Variants in NCF4 observed in about 807,000 individuals in gnomAD.
NCF4 encodes the protein neutrophil cytosol factor 4.
In NCF4, 30 loss-of-function variants were observed where a neutral mutation model predicts 41.7. That is an observed-to-expected ratio of 0.72 (90% CI 0.54 to 0.97). NCF4 has a LOEUF of 0.97. Among genes scored for constraint, NCF4 ranks in the 50% least tolerant of loss-of-function variants. NCF4 has a pLI of 0.00. For missense variants in NCF4, 432 were observed against 460.9 expected, an observed-to-expected ratio of 0.94 and a Z score of 0.57; for synonymous variants, 195 against 175.8, an observed-to-expected ratio of 1.11 and a Z score of -0.87.
chr22:36,861,085 A>G lies in NCF4; in HGVS notation c.-87A>G. The G allele has an allele frequency of 6.6e-7, 1 of 1,515,402 alleles. No individual in the cohort carries two copies. The highest frequency in any genetic ancestry group is 9.0e-7 in the Non-Finnish European group (1 of 1,114,614). The allele number at this position is 1,515,402 out of a possible 1,614,324, so 93.9% of individuals were successfully genotyped here. A position where few individuals can be genotyped will look rare whatever the true frequency, so the allele number is the denominator to read the frequency against. On this transcript the variant is annotated 5_prime_UTR_variant, in exon 1 of 10. Transcript: ENST00000248899. ...AGGACCACAGGCTGAGACGAGACGC[A>G]GGGTGGCTGGAGGAAGTGAGAGGTG...
intron 1 of NCF4, among the ~76,000 whole-genome samples, chr22:36,862,874 A>G (rs952816563): frequency 1.3e-5 from 2 of 152,158 alleles, no homozygotes; most frequent in Non-Finnish European, 2.9e-5. Flanking sequence ...GCCAGGTGCC[A>G]GAAAACCTGC....
chr22:36,875,684 C>G lies in NCF4; in HGVS notation c.659C>G (p.Pro220Arg). The G allele has an allele frequency of 6.2e-7, 1 of 1,612,968 alleles. No homozygotes were observed. The highest frequency in any genetic ancestry group is 8.5e-7 in the Non-Finnish European group (1 of 1,180,034). ...GTVRGATGIFPLSFVKILKDF... is the reference protein window; with the variant it reads ...GTVRGATGIFRLSFVKILKDF... ...GTCCGGGGAGCCACGGGCATCTTCC[C>G]TCTCTCCTTCGTGAAGATCCTCAAA... The change falls in exon 8 of 10, where the codon CCT (proline) becomes CGT (arginine). Residue 220 changes from proline to arginine, a missense_variant. Coordinates refer to ENST00000248899, the MANE Select transcript of NCF4 (RefSeq NM_000631.5).
At chr22:36,872,828 A>C (rs1438444957) in intron 7 of NCF4, among the ~76,000 whole-genome samples, 1 of 91,428 alleles carries the variant, frequency 1.1e-5, no homozygotes. Context: ...GAAGGTGAGG[A>C]TGGAGGTAAG....
intron 1 of NCF4, among the ~76,000 whole-genome samples, chr22:36,863,491 C>T (rs73158114): frequency 9.4e-4 from 111 of 118,558 alleles, no homozygotes; most frequent in Non-Finnish European, 1.5e-3. Flanking sequence ...GGTCCCTCTG[C>T]GAGGCATCAA....
intron 6 of NCF4, chr22:36,872,099 G>T (rs558026281): frequency 8.5e-6 from 6 of 708,834 alleles, no homozygotes; most frequent in African/African-American, 5.2e-5. Context: ...TTCCCTGTGT[G>T]CTCACCCCCA....
intron 1 of NCF4, among the ~76,000 whole-genome samples, chr22:36,863,401 G>A (rs1302802142): frequency 6.6e-6 from 1 of 151,588 alleles, no homozygotes. Context: ...CCCCAGTGCT[G>A]CGCCTATGCC....
At chr22:36,876,186 T>C in intron 9 of NCF4, 92 bp downstream of exon 9, 1 of 1,266,894 alleles carries the variant, frequency 7.9e-7, no homozygotes, top group Admixed American at 2.7e-5. Flanking sequence ...GGTGCTGGGG[T>C]TTTGCGTGTA....
At chr22:36,872,916 A>T (rs1940105801) in intron 7 of NCF4, among the ~76,000 whole-genome samples, 12 of 146,610 alleles carry the variant, frequency 8.2e-5, no homozygotes, top group Admixed American at 8.1e-4. Context: ...GTGAGGGTGG[A>T]GGTGAGACTG....
rs367751200 is a variant in NCF4 at position 36,863,189 on chromosome 22, T to C, written c.33-856T>C. Among the ~76,000 whole-genome samples the C allele has an allele frequency of 8.1e-4, 123 of 152,262 alleles. 3 individuals carry two copies. The South Asian group carries it at 0.023, about 28-fold the overall frequency. Reference sequence around the variant, plus strand: ...GTATTGAGCAGTACTGAGCACCTACTGTATGCCGGGCTCTGTTCTGGGCAC... The same window carrying C: ...GTATTGAGCAGTACTGAGCACCTACCGTATGCCGGGCTCTGTTCTGGGCAC... On this transcript the variant is annotated intron_variant, in intron 1 of 9. Transcript: ENST00000248899.
In NCF4 at chr22:36,864,943, A is replaced by AAAGGAGGATC. The variant is rs869025585; in HGVS notation, c.143_152dup (p.Lys52ArgfsTer79). 1.1e-5 allele frequency: 17 copies of AAAGGAGGATC among 1,613,904 alleles called. No individual in the cohort carries two copies. The highest frequency in any genetic ancestry group is 1.4e-5 in the Non-Finnish European group (17 of 1,180,016). ...GGTTTTCGTCATCGAGGTGAAGACA[A>AAAGGAGGATC]AAGGAGGATCCAAGTACCTCATCTA... On this transcript the variant is annotated frameshift_variant, in exon 3 of 10. Transcript: ENST00000248899. LOFTEE classifies it high-confidence loss of function.
intron 9 of NCF4, 80 bp from the exon 10 acceptor site, chr22:36,877,548 C>A: frequency 6.8e-7 from 1 of 1,472,050 alleles, no homozygotes; most frequent in South Asian, 1.1e-5. Context: ...GGCTTCAGGA[C>A]ATAAAACCCT....
chr22:36,875,870 T>C (rs750700271), intron 8 of NCF4, 87 bp downstream of exon 8: 5 of 1,613,824 alleles, frequency 3.1e-6, no homozygotes, highest in Middle Eastern at 1.6e-4. Context: ...CATGGGTCCC[T>C]CTCCCACTCC....
In NCF4 at chr22:36,877,811, C is replaced by A. The variant is rs759359854; in HGVS notation, c.1008C>A (p.Asn336Lys). The change falls in exon 10 of 10, where the codon AAC (asparagine) becomes AAA (lysine). Residue 336 changes from asparagine to lysine, a missense_variant. Transcript: ENST00000248899. ...ITQKDNYRVY[N>K]TMP ...AGAAGGACAACTACAGGGTCTACAA[C>A]ACGATGCCATGAGCTGACGGTGTCC... 3.7e-6 allele frequency: 6 copies of A among 1,613,552 alleles called. No individual in the cohort carries two copies. Among genetic ancestry groups the A allele is most frequent in the Non-Finnish European group, 5.1e-6 (6 of 1,179,798 alleles).
In NCF4 at chr22:36,876,030, G is replaced by A. The variant is rs1250357203; in HGVS notation, c.760G>A (p.Asp254Asn). The A allele has an allele frequency of 4.3e-6, 7 of 1,613,294 alleles. No individual in the cohort carries two copies. Among genetic ancestry groups the A allele is most frequent in the Non-Finnish European group, 5.1e-6 (6 of 1,179,332 alleles). ...YYEDTISTIK[D>N]IAVEEDLSST... ...TACTCCAGCCTGTCACCCCCTTAGG[G>A]ACATCGCGGTGGAGGAAGATCTCAG... Residue 254 changes from aspartate (D) to asparagine (N), a missense_variant and splice_region_variant, in exon 9 of 10, where the codon GAC becomes AAC. Asp to Asn is a conservative substitution (Grantham distance 23, BLOSUM62 1). Coordinates refer to ENST00000248899, the MANE Select transcript of NCF4 (RefSeq NM_000631.5).
chr22:36,863,318 G>A (rs575508934), intron 1 of NCF4, among the ~76,000 whole-genome samples: 2 of 151,962 alleles, frequency 1.3e-5, no homozygotes, highest in Non-Finnish European at 1.5e-5. Context: ...TACTTCTCCT[G>A]TCCCCATTTT....
rs1939895926 is a variant in NCF4 at position 36,865,100 on chromosome 22, G to A, written c.271+28G>A. 1 of 1,604,462 alleles carries A rather than the reference G, an allele frequency of 6.2e-7. No homozygotes were observed. The highest frequency in any genetic ancestry group is 2.2e-5 in the East Asian group (1 of 44,868). On this transcript the variant is annotated intron_variant, in intron 3 of 9. Transcript: ENST00000248899. The surrounding 1 kb of genome is among the most constrained non-coding windows in gnomAD (Gnocchi z 4.3). ...AGGCGGCCACTCCCGTCCTGCTGCT[G>A]CAGAGCTGCTGACTCTCCTTCCTTC...
At chr22:36,868,765 C>T (rs957811820) in intron 4 of NCF4, among the ~76,000 whole-genome samples, 2 of 152,302 alleles carry the variant, frequency 1.3e-5, no homozygotes, top group African/African-American at 4.8e-5. Context: ...CCCAGAGGAT[C>T]CATCTCTGCC....
intron 4 of NCF4, among the ~76,000 whole-genome samples, chr22:36,868,979 G>A (rs559545753): frequency 1.7e-3 from 258 of 152,214 alleles, no homozygotes; most frequent in African/African-American, 2.3e-3. Context: ...GTCTCACCCC[G>A]CCCTCATGAA....
rs1601547525 is a variant in NCF4, at chr22:36,865,141, T to C, written c.271+69T>C. The C allele has an allele frequency of 1.3e-6, 2 of 1,583,392 alleles. No individual in the cohort carries two copies. Among genetic ancestry groups the C allele is most frequent in the East Asian group, 2.2e-5 (1 of 44,716 alleles). ...TCCTTCCTTCCAGGGCCCCTGACAC[T>C]GTTCTGTGATTTGATCTCAACCCCA... On this transcript the variant is annotated intron_variant, in intron 3 of 9. Transcript: ENST00000248899. This position sits in a 1 kb window ranked among gnomAD's most constrained non-coding sequence, Gnocchi z 4.3.
Sources: allele counts gnomAD v4.1 joint callset (sites outside exome capture counted in the v4.1 genomes callset), GRCh38; gene constraint gnomAD v4.1.1; non-coding constraint Gnocchi (gnomAD v3.1); transcripts MANE v1.5; gene names NCBI Gene and HGNC (gene_info 2026-07-23, HGNC 2026-07-21).